Variants in PPM1E observed in about 807,000 individuals in gnomAD.
PPM1E encodes protein phosphatase, Mg2+/Mn2+ dependent 1E, also known as protein phosphatase 1E.
A neutral mutation model predicts 65.9 loss-of-function variants in PPM1E; 20 were observed. The observed-to-expected ratio is 0.30, with a 90% confidence interval of 0.21 to 0.44. PPM1E has a LOEUF of 0.44. Among genes scored for constraint, PPM1E ranks in the 20% least tolerant of loss-of-function variants. PPM1E has a pLI of 1.00. For missense variants in PPM1E, 713 were observed against 953.1 expected, an observed-to-expected ratio of 0.75 and a Z score of 3.32; for synonymous variants, 352 against 374.9, an observed-to-expected ratio of 0.94 and a Z score of 0.70.
rs1413694538 is a variant in PPM1E at position 58,985,132 on chromosome 17, T to C, written c.*4101T>C. 6.6e-6 allele frequency: 1 copy of C among 152,670 alleles called. No homozygotes were observed. The highest frequency in any genetic ancestry group is 1.5e-5 in the Non-Finnish European group (1 of 68,046). The allele number at this position is 152,670 out of a possible 1,614,324, so 9.5% of individuals were successfully genotyped here. On this transcript the variant is annotated 3_prime_UTR_variant, in exon 7 of 7. Coordinates refer to ENST00000308249, the MANE Select transcript of PPM1E (RefSeq NM_014906.5). Reference sequence around the variant, plus strand: ...AGTGTTCATTCAGGTAAGGTGTATGTTGAAATTTTGCCAATTATCTTAATA... The same window carrying C: ...AGTGTTCATTCAGGTAAGGTGTATGCTGAAATTTTGCCAATTATCTTAATA...
Position 58,756,015 on chromosome 17 carries a change from T to C in PPM1E, c.18T>C (p.Pro6=), listed in dbSNP as rs1452585458. The change falls in exon 1 of 7, where the codon CCT becomes CCC. Residue 6 remains proline, a synonymous_variant. Transcript: ENST00000308249. ...GAGCAGCGATGGCCGGCTGCATCCC[T>C]GAGGAGAAAACTTACCGGCGCTTCC... MAGCI[P]EEKTYRRFLE... is the part of the protein sequence containing the mutation. 1.6e-5 allele frequency: 26 copies of C among 1,613,926 alleles called. No individual in the cohort carries two copies. Among genetic ancestry groups the C allele is most frequent in the Non-Finnish European group, 1.9e-5 (22 of 1,179,894 alleles).
In PPM1E at chr17:58,843,519, A is replaced by T. The variant is rs1598605936; in HGVS notation, c.464+87058A>T. On this transcript the variant is annotated intron_variant, in intron 1 of 6. Coordinates refer to ENST00000308249, the MANE Select transcript of PPM1E (RefSeq NM_014906.5). ...ACAGAGCAAGATCCTGTCTAAAAAAAATAAAAATAAAACTGTAGAACAAGG... is the reference window on the plus strand; with the variant it reads ...ACAGAGCAAGATCCTGTCTAAAAAATATAAAAATAAAACTGTAGAACAAGG... Among the ~76,000 whole-genome samples, 6 of 151,600 alleles carry T rather than the reference A, an allele frequency of 4.0e-5. No individual in the cohort carries two copies. In the South Asian group the frequency reaches 1.0e-3, roughly 26 times the overall value.
intron 1 of PPM1E, among the ~76,000 whole-genome samples, chr17:58,791,495 C>T (rs8067571): frequency 0.64 from 96,762 of 151,964 alleles, 31,186 homozygotes; most frequent in African/African-American, 0.71. Flanking sequence ...GAAGTAATAA[C>T]GAAGACCTTT....
At position 58,948,241 on chromosome 17, in the gene PPM1E, G is replaced by A. The variant is rs115679357; in HGVS notation, c.465-7408G>A. On this transcript the variant is annotated intron_variant, in intron 1 of 6. Transcript: ENST00000308249. Reference sequence around the variant, plus strand: ...ATGGCAAAGTTCTAAAATAGCATGCGGGACCAGGAATGCTGTTGCGGCCTT... The same window carrying A: ...ATGGCAAAGTTCTAAAATAGCATGCAGGACCAGGAATGCTGTTGCGGCCTT... 9.1e-3 allele frequency among the ~76,000 whole-genome samples: 1,382 copies of A among 152,102 alleles called. 19 individuals are homozygous for A. Among genetic ancestry groups the A allele is most frequent in the African/African-American group, 0.031 (1,296 of 41,470 alleles).
intron 1 of PPM1E, among the ~76,000 whole-genome samples, chr17:58,881,250 T>C (rs575971042): frequency 1.2e-4 from 18 of 152,328 alleles, no homozygotes; most frequent in African/African-American, 4.3e-4. Flanking sequence ...TACAGAAGGC[T>C]GGGCGCAGTG....
At chr17:58,787,637 G>A (rs1016716432) in intron 1 of PPM1E, among the ~76,000 whole-genome samples, 3 of 151,944 alleles carry the variant, frequency 2.0e-5, no homozygotes, top group East Asian at 1.9e-4. Context: ...GGCCAGGCAC[G>A]GTGGCTCACA....
chr17:58,965,904 C>T lies in PPM1E; in HGVS notation c.783+11C>T. 6.2e-7 allele frequency: 1 copy of T among 1,612,410 alleles called. No individual in the cohort carries two copies. Among genetic ancestry groups the T allele is most frequent in the South Asian group, 1.1e-5 (1 of 91,036 alleles). On this transcript the variant is annotated intron_variant, in intron 3 of 6. Coordinates refer to ENST00000308249, the MANE Select transcript of PPM1E (RefSeq NM_014906.5). ...CTCTTCAACCTAGAGGTAAAGGGCA[C>T]TTTCGGAGAGTCAGTGAGATTTTAA...
chr17:58,938,056 T>C (rs954599205), intron 1 of PPM1E, among the ~76,000 whole-genome samples: 15 of 152,148 alleles, frequency 9.9e-5, no homozygotes, highest in Admixed American at 7.9e-4. Context: ...TTCCTAATTA[T>C]TTATAGAAGG....
chr17:58,972,986 AACTCTGATACAGGGAACCT>A, intron 6 of PPM1E, 61 bp downstream of exon 6: 1 of 1,167,854 alleles, frequency 8.6e-7, no homozygotes, highest in Non-Finnish European at 1.3e-6. Context: ...CTCCTGTATC[AACTCTGATACAGGGAACCT>A]GAGATGATAA....
At chr17:58,970,853 G>A (rs576250981) in intron 4 of PPM1E, among the ~76,000 whole-genome samples, 49 of 152,092 alleles carry the variant, frequency 3.2e-4, no homozygotes, top group African/African-American at 1.2e-3. Flanking sequence ...TCGAGGACAA[G>A]GGCCGGCCCC....
chr17:58,928,788 C>T (rs553270325), intron 1 of PPM1E, among the ~76,000 whole-genome samples: 30 of 150,832 alleles, frequency 2.0e-4, no homozygotes, highest in African/African-American at 2.7e-4. Context: ...CTGCAACCTT[C>T]GCCTCCCGGG....
At chr17:58,845,712 C>T (rs187242370) in intron 1 of PPM1E, among the ~76,000 whole-genome samples, 117 of 152,244 alleles carry the variant, frequency 7.7e-4, no homozygotes, top group East Asian at 3.3e-3. Context: ...GACAGAGTCT[C>T]GCTCTGTCGC....
chr17:58,860,543 A>G (rs1027485651), intron 1 of PPM1E, among the ~76,000 whole-genome samples: 4 of 152,216 alleles, frequency 2.6e-5, no homozygotes, highest in African/African-American at 9.6e-5. Context: ...GGGTTATGCC[A>G]GATAAAACAG....
intron 1 of PPM1E, among the ~76,000 whole-genome samples, chr17:58,849,813 C>G (rs1415092498): frequency 6.6e-6 from 1 of 152,136 alleles, no homozygotes; most frequent in East Asian, 1.9e-4. Context: ...AGGTGCAGAG[C>G]TGAGTTCAAT....
At chr17:58,845,572 T>C (rs1046018768) in intron 1 of PPM1E, among the ~76,000 whole-genome samples, 2 of 152,202 alleles carry the variant, frequency 1.3e-5, no homozygotes, top group African/African-American at 4.8e-5. Context: ...GAATAACTAA[T>C]TTAAGTGGAA....
chr17:58,955,410 A>G lies in PPM1E; in HGVS notation c.465-239A>G, dbSNP rs1438484553. The G allele has an allele frequency of 7.4e-6, 4 of 542,152 alleles. No individual in the cohort carries two copies. The South Asian group carries it at 7.4e-5, about 10-fold the overall frequency. The allele number at this position is 542,152 out of a possible 1,614,324, so 33.6% of individuals were successfully genotyped here. On this transcript the variant is annotated intron_variant, in intron 1 of 6. Coordinates refer to ENST00000308249, the MANE Select transcript of PPM1E (RefSeq NM_014906.5). ...AACAAACTTATCCTGCTTTTAAGTTATATCCTATTAGTTTGTCATCTGTCT... is the reference window on the plus strand; with the variant it reads ...AACAAACTTATCCTGCTTTTAAGTTGTATCCTATTAGTTTGTCATCTGTCT...
chr17:58,948,072 C>T lies in PPM1E; in HGVS notation c.465-7577C>T, dbSNP rs72828738. On this transcript the variant is annotated intron_variant, in intron 1 of 6. Coordinates refer to ENST00000308249, the MANE Select transcript of PPM1E (RefSeq NM_014906.5). ...GACAGAGGAAGAAAGAAGAGGAAGCCGGGGGAAGCCACGTGGCCTTTTATG... is the reference window on the plus strand; with the variant it reads ...GACAGAGGAAGAAAGAAGAGGAAGCTGGGGGAAGCCACGTGGCCTTTTATG... Among the ~76,000 whole-genome samples, 620 of 152,162 alleles carry T rather than the reference C, an allele frequency of 4.1e-3. 4 individuals carry two copies. The highest frequency in any genetic ancestry group is 0.01 in the Middle Eastern group (3 of 294).
At chr17:58,790,645 C>T (rs1222751965) in intron 1 of PPM1E, among the ~76,000 whole-genome samples, 1 of 152,132 alleles carries the variant, frequency 6.6e-6, no homozygotes, top group Admixed American at 6.6e-5. Flanking sequence ...TCTTAAAACC[C>T]AGTCACTCTG....
At chr17:58,807,959 A>G (rs1277143016) in intron 1 of PPM1E, among the ~76,000 whole-genome samples, 2 of 152,194 alleles carry the variant, frequency 1.3e-5, no homozygotes, top group Non-Finnish European at 2.9e-5. Flanking sequence ...AACTGGTACA[A>G]CCACTTTGGA....
Sources: gnomAD v4.1 joint callset for allele counts (sites outside exome capture counted in the v4.1 genomes callset) on GRCh38, gnomAD v4.1.1 for gene constraint, MANE v1.5 for transcripts, NCBI Gene and HGNC (gene_info 2026-07-23, HGNC 2026-07-21) for gene names.